SARAF: variants seen among roughly 807,000 people sequenced by gnomAD.
SARAF encodes the protein store-operated calcium entry-associated regulatory factor.
A neutral mutation model predicts 39.7 loss-of-function variants in SARAF; 23 were observed. The ratio of observed to expected loss-of-function variants is 0.58; its 90% confidence interval spans 0.42 to 0.82. SARAF has a LOEUF of 0.82. Among genes scored for constraint, SARAF ranks in the 40% least tolerant of loss-of-function variants. The pLI, the probability that SARAF is intolerant of heterozygous loss-of-function variation, is 0.00. For synonymous variants in SARAF, 175 were observed against 168.5 expected (o/e 1.04, Z -0.30); for missense variants, 384 against 418.5 (o/e 0.92, Z 0.72).
chr8:30,072,368 T>G (rs1220532275), intron 2 of SARAF, among the ~76,000 whole-genome samples: 3 of 152,216 alleles, frequency 2.0e-5, no homozygotes, highest in Non-Finnish European at 4.4e-5. Flanking sequence ...CTAAGCTTCC[T>G]CCCATTCTGT....
At position 30,082,933 on chromosome 8, in the gene SARAF, C is replaced by A. The variant is rs374553415; in HGVS notation, c.17G>T (p.Gly6Val). ...CAAGCAGTACCCGGCCGCTCCCGGC[C>A]CGCAGGCTGCGGCCATGGCGCTCGA... is the stretch of plus-strand genomic sequence containing the variant. The part of the protein sequence containing the change: MAAAC[G>V]PGAAGYCLLL... Residue 6 changes from glycine to valine, a missense_variant, in exon 1 of 6, where the codon GGG becomes GTG. Gly to Val is a moderately radical substitution (Grantham distance 109). Transcript: ENST00000256255. 3.6e-5 allele frequency: 56 copies of A among 1,546,946 alleles called. No individual in the cohort carries two copies. The African/African-American group carries it at 7.1e-4, about 20-fold the overall frequency.
At chr8:30,079,266 T>A (rs895128512) in intron 1 of SARAF, among the ~76,000 whole-genome samples, 1 of 152,102 alleles carries the variant, frequency 6.6e-6, no homozygotes, top group East Asian at 1.9e-4. Context: ...AAGATACATT[T>A]GGGAATTCAG....
At chr8:30,068,644 C>A (rs1447526166) in intron 3 of SARAF, among the ~76,000 whole-genome samples, 4 of 135,012 alleles carry the variant, frequency 3.0e-5, no homozygotes, top group Non-Finnish European at 6.1e-5. Flanking sequence ...AGGCTGGGGA[C>A]TGGTGAAGTA....
At chr8:30,076,809 A>G (rs1801977398) in intron 1 of SARAF, among the ~76,000 whole-genome samples, 1 of 152,204 alleles carries the variant, frequency 6.6e-6, no homozygotes, top group Admixed American at 6.5e-5. Context: ...CACAGCAAGA[A>G]GGCCCTCACC....
chr8:30,072,562 T>G lies in SARAF; in HGVS notation c.282+1315A>C, dbSNP rs561954527. On this transcript the variant is annotated intron_variant, in intron 2 of 5. Coordinates refer to ENST00000256255, the MANE Select transcript of SARAF (RefSeq NM_016127.6). Reference sequence around the variant, plus strand: ...AAGCTAAACTTGTATTGGTATTTCATGTTAACTACCACTTCCTTAATCATG... The same window carrying G: ...AAGCTAAACTTGTATTGGTATTTCAGGTTAACTACCACTTCCTTAATCATG... 1.5e-3 allele frequency among the ~76,000 whole-genome samples: 231 copies of G among 152,248 alleles called. 1 individual carries two copies. Among genetic ancestry groups the G allele is most frequent in the Admixed American group, 2.6e-3 (39 of 15,288 alleles).
chr8:30,071,858 T>C (rs576257824), intron 2 of SARAF, among the ~76,000 whole-genome samples: 3 of 152,210 alleles, frequency 2.0e-5, no homozygotes, highest in Non-Finnish European at 4.4e-5. Flanking sequence ...TCATTAGTAA[T>C]GGACATTTGA....
At chr8:30,073,843 C>A (rs756288529) in intron 2 of SARAF, 34 bp downstream of exon 2, 2 of 1,577,698 alleles carry the variant, frequency 1.3e-6, no homozygotes, top group South Asian at 1.1e-5. Flanking sequence ...AATAAAAACC[C>A]CATTTAGACT....
At chr8:30,081,387 A>C (rs1282248219) in intron 1 of SARAF, among the ~76,000 whole-genome samples, 1 of 152,244 alleles carries the variant, frequency 6.6e-6, no homozygotes, top group Non-Finnish European at 1.5e-5. Flanking sequence ...ACTGATTCAA[A>C]GTTCAACAAA....
chr8:30,064,557 A>ATTTTTTTTTTTTTTT (rs1458215350), intron 5 of SARAF, among the ~76,000 whole-genome samples: 1 of 50,660 alleles, frequency 2.0e-5, no homozygotes. Context: ...ATATATATAT[A>ATTTTTTTTTTTTTTT]TATATTTTTT....
intron 2 of SARAF, among the ~76,000 whole-genome samples, chr8:30,071,987 G>A (rs900264957): frequency 6.6e-6 from 1 of 152,180 alleles, no homozygotes; most frequent in Admixed American, 6.5e-5. Context: ...TGGAATGACT[G>A]AGGCATACAT....
intron 1 of SARAF, among the ~76,000 whole-genome samples, chr8:30,081,802 T>C (rs1389672750): frequency 6.6e-6 from 1 of 152,046 alleles, no homozygotes; most frequent in Non-Finnish European, 1.5e-5. Context: ...AGTCAAAATC[T>C]GTATCTAAGT....
In SARAF at chr8:30,069,990, C is replaced by T. The variant is rs763777668; in HGVS notation, c.352G>A (p.Glu118Lys). Residue 118 changes from glutamate to lysine, a missense_variant, in exon 3 of 6, where the codon GAG (glutamate) becomes AAG (lysine). By Grantham distance (56) the Glu-to-Lys change is moderately conservative. Coordinates refer to ENST00000256255, the MANE Select transcript of SARAF (RefSeq NM_016127.6). ...GKTVVSCEGY[E>K]SSEDQYVLRG... ...AGTACATACTGGTCTTCAGAGGACT[C>T]ATAGCCTTCACAGCTCACCACAGTT... 13 of 1,613,840 alleles carry T rather than the reference C, an allele frequency of 8.1e-6. No homozygotes were observed. Among genetic ancestry groups the T allele is most frequent in the Non-Finnish European group, 1.1e-5 (13 of 1,180,016 alleles).
intron 1 of SARAF, among the ~76,000 whole-genome samples, chr8:30,077,602 G>A (rs1365146776): frequency 6.6e-6 from 1 of 152,054 alleles, no homozygotes; most frequent in Non-Finnish European, 1.5e-5. Flanking sequence ...AAGAGATCAA[G>A]ACCATCCTGG....
intron 1 of SARAF, among the ~76,000 whole-genome samples, chr8:30,074,747 T>C (rs1463993007): frequency 1.3e-5 from 2 of 152,234 alleles, no homozygotes; most frequent in Non-Finnish European, 2.9e-5. Flanking sequence ...ATTTTAGCTC[T>C]ATTCCTAATG....
rs187982984 is a variant in SARAF at position 30,066,475 on chromosome 8, C to T, written c.842+302G>A. Reference sequence around the variant, plus strand: ...TTTATCATTCTCCTACCAAACCAGACTGTTCCCCAAATGCTGTCTTCTTTC... The same window carrying T: ...TTTATCATTCTCCTACCAAACCAGATTGTTCCCCAAATGCTGTCTTCTTTC... On this transcript the variant is annotated intron_variant, in intron 4 of 5. Coordinates refer to ENST00000256255, the MANE Select transcript of SARAF (RefSeq NM_016127.6). 3.7e-4 allele frequency among the ~76,000 whole-genome samples: 56 copies of T among 152,320 alleles called. 1 individual carries two copies. The highest frequency in any genetic ancestry group is 8.3e-4 in the South Asian group (4 of 4,820).
intron 1 of SARAF, 170 bp downstream of exon 1, chr8:30,082,676 TG>T: frequency 3.8e-6 from 2 of 530,824 alleles, no homozygotes; most frequent in Non-Finnish European, 6.7e-6. Flanking sequence ...CCAAGACGCC[TG>T]GGAAGAGCAG....
intron 3 of SARAF, among the ~76,000 whole-genome samples, chr8:30,069,373 C>CA (rs1436597475): frequency 6.6e-6 from 1 of 152,076 alleles, no homozygotes; most frequent in Non-Finnish European, 1.5e-5. Flanking sequence ...CTCCCAACCT[C>CA]AAGTGATCTG....
intron 1 of SARAF, among the ~76,000 whole-genome samples, chr8:30,077,060 T>G (rs1210759256): frequency 2.0e-5 from 3 of 152,092 alleles, no homozygotes; most frequent in African/African-American, 4.8e-5. Flanking sequence ...CTCAGAGAGA[T>G]AAGAGAAAAA....
chr8:30,064,547 A>ATTTTTTTTTTTTTTTTTTTTTTTTTTTTT lies in SARAF; in HGVS notation c.995-635_995-634insAAAAAAAAAAAAAAAAAAAAAAAAAAAAA, dbSNP rs1319036441. Among the ~76,000 whole-genome samples, 2 of 37,012 alleles carry ATTTTTTTTTTTTTTTTTTTTTTTTTTTTT rather than the reference A, an allele frequency of 5.4e-5. 1 individual carries two copies. The allele number at this position is 37,012 out of a possible 152,430, so 24.3% of individuals were successfully genotyped here. ...GTCTTACCTAGCCATATATATATAT[A>ATTTTTTTTTTTTTTTTTTTTTTTTTTTTT]TATATATATATATATTTTTTTTTTT... On this transcript the variant is annotated intron_variant, in intron 5 of 5. Coordinates refer to ENST00000256255, the MANE Select transcript of SARAF (RefSeq NM_016127.6).
Sources: allele counts gnomAD v4.1 joint callset (sites outside exome capture counted in the v4.1 genomes callset), GRCh38; gene constraint gnomAD v4.1.1; transcripts MANE v1.5; gene names NCBI Gene and HGNC (gene_info 2026-07-23, HGNC 2026-07-21).